TBC1D19: variants seen among roughly 807,000 people sequenced by gnomAD.
The protein encoded by TBC1D19 is TBC1 domain family, member 19.
Under a neutral mutation model 89.0 loss-of-function variants are expected in TBC1D19, and 60 were observed. The ratio of observed to expected loss-of-function variants is 0.67; its 90% CI spans 0.55 to 0.84. The LOEUF is 0.84. Among genes scored for constraint, TBC1D19 ranks in the 40% least tolerant of loss-of-function variants. TBC1D19 has a pLI of 0.00. For missense variants in TBC1D19, 500 were observed against 610.8 expected (o/e 0.82, Z 1.91); for synonymous variants, 189 against 199.7 (o/e 0.95, Z 0.45).
intron 13 of TBC1D19, among the ~76,000 whole-genome samples, chr4:26,715,463 C>T (rs751913886): frequency 2.6e-5 from 4 of 152,008 alleles, no homozygotes; most frequent in Non-Finnish European, 4.4e-5. Flanking sequence ...TAGATGGAGA[C>T]GAGGATACCA....
At chr4:26,596,905 G>C (rs57698251) in intron 1 of TBC1D19, among the ~76,000 whole-genome samples, 1 of 152,120 alleles carries the variant, frequency 6.6e-6, no homozygotes, top group Non-Finnish European at 1.5e-5. Flanking sequence ...TACTTTAAAA[G>C]ATATTTTTGT....
intron 7 of TBC1D19, among the ~76,000 whole-genome samples, chr4:26,657,787 G>A (rs1182384490): frequency 6.6e-6 from 1 of 152,178 alleles, no homozygotes; most frequent in Non-Finnish European, 1.5e-5. Context: ...TCTAACTGGT[G>A]TGAGATGGTT....
intron 1 of TBC1D19, among the ~76,000 whole-genome samples, chr4:26,591,070 C>T (rs1218708842): frequency 8.7e-6 from 1 of 114,494 alleles, no homozygotes; most frequent in East Asian, 3.0e-4. Flanking sequence ...TTCCTCCCTT[C>T]CCCCTGAGAC....
At chr4:26,694,703 G>A (rs1022921661) in intron 13 of TBC1D19, among the ~76,000 whole-genome samples, 1 of 152,184 alleles carries the variant, frequency 6.6e-6, no homozygotes, top group African/African-American at 2.4e-5. Context: ...AGCTTCCAGA[G>A]GAATGATCAG....
intron 1 of TBC1D19, among the ~76,000 whole-genome samples, chr4:26,610,254 A>G (rs1741279905): frequency 6.6e-6 from 1 of 151,970 alleles, no homozygotes; most frequent in Non-Finnish European, 1.5e-5. Context: ...ATAGATACAA[A>G]TCTATAATGT....
intron 4 of TBC1D19, among the ~76,000 whole-genome samples, chr4:26,626,839 A>ATTTATTTTATT (rs1400607822): frequency 6.9e-6 from 1 of 144,982 alleles, no homozygotes; most frequent in Non-Finnish European, 1.5e-5. Flanking sequence ...TTTTATTTTT[A>ATTTATTTTATT]TTTATTTTAT....
chr4:26,685,250 G>A (rs1173147316), intron 12 of TBC1D19, among the ~76,000 whole-genome samples: 1 of 152,222 alleles, frequency 6.6e-6, no homozygotes, highest in Non-Finnish European at 1.5e-5. Flanking sequence ...AATGTGCTGG[G>A]CTGGGAGCGT....
At chr4:26,584,030 A>G (rs1739249794), upstream of TBC1D19, 2 of 657,358 alleles carry the variant, frequency 3.0e-6, no homozygotes, top group South Asian at 1.9e-5. Context: ...GGGACCAGAG[A>G]GGGACGGACA....
At chr4:26,589,323 G>T (rs1461884857) in intron 1 of TBC1D19, among the ~76,000 whole-genome samples, 1 of 152,128 alleles carries the variant, frequency 6.6e-6, no homozygotes, top group Non-Finnish European at 1.5e-5. Flanking sequence ...GTAGTAGACT[G>T]CTGTTACTTT....
intron 1 of TBC1D19, among the ~76,000 whole-genome samples, chr4:26,609,140 A>G (rs1412020052): frequency 6.6e-6 from 1 of 151,056 alleles, no homozygotes; most frequent in Non-Finnish European, 1.5e-5. Flanking sequence ...GCACACCAAC[A>G]TGGCACATGT....
At chr4:26,806,570 G>A in the TBC1D19 span, among the ~76,000 whole-genome samples, 2 of 152,196 alleles carry the variant, frequency 1.3e-5, no homozygotes, top group Non-Finnish European at 2.9e-5. Context: ...AGCTGTCAGG[G>A]TGCCTGGCAT....
the TBC1D19 span, among the ~76,000 whole-genome samples, chr4:26,769,055 G>C: frequency 6.6e-6 from 1 of 151,988 alleles, no homozygotes; most frequent in South Asian, 2.1e-4. Context: ...AATCTTAAAA[G>C]CAGCCCAAGA....
At chr4:26,846,265 A>G in the TBC1D19 span, among the ~76,000 whole-genome samples, 29 of 152,286 alleles carry the variant, frequency 1.9e-4, no homozygotes, top group South Asian at 6.0e-3. Flanking sequence ...AGTTTTACTG[A>G]TAGAATATAA....
intron 13 of TBC1D19, among the ~76,000 whole-genome samples, chr4:26,706,538 C>G: frequency 6.6e-6 from 1 of 151,996 alleles, no homozygotes. Flanking sequence ...TATCTCTGCT[C>G]TACTTTTTAT....
rs1303249826 is a variant in TBC1D19, at chr4:26,618,014, C to T, written c.219-2599C>T. 2.6e-5 allele frequency among the ~76,000 whole-genome samples: 4 copies of T among 152,286 alleles called. No homozygotes were observed. The East Asian group carries it at 5.8e-4, about 22-fold the overall frequency. ...GGTAAGTCTTCGTACACATTCATGG[C>T]TTTCGCTGGGAGAGTGCTCAAGCAG... is the stretch of plus-strand genomic sequence containing the variant. On this transcript the variant is annotated intron_variant, in intron 3 of 20. Transcript: ENST00000264866.
At chr4:26,642,611 C>T (rs1397281243) in intron 7 of TBC1D19, among the ~76,000 whole-genome samples, 4 of 152,056 alleles carry the variant, frequency 2.6e-5, no homozygotes, top group African/African-American at 9.7e-5. Flanking sequence ...GGCTAAATTC[C>T]CCAATTAAAA....
At chr4:26,692,753 C>T (rs1217619890) in intron 13 of TBC1D19, among the ~76,000 whole-genome samples, 3 of 152,150 alleles carry the variant, frequency 2.0e-5, no homozygotes, top group Admixed American at 1.3e-4. Flanking sequence ...AGGAGGAGTC[C>T]TGATGGGATA....
chr4:26,817,277 C>T, the TBC1D19 span, among the ~76,000 whole-genome samples: 1 of 152,134 alleles, frequency 6.6e-6, no homozygotes, highest in African/African-American at 2.4e-5. Context: ...ATTGATACCC[C>T]CTCTCCCGCA....
At chr4:26,772,596 G>C in the TBC1D19 span, among the ~76,000 whole-genome samples, 1 of 152,016 alleles carries the variant, frequency 6.6e-6, no homozygotes, top group Non-Finnish European at 1.5e-5. Flanking sequence ...TTCATTAGCT[G>C]TTCTTCCTGA....
Sources: gnomAD v4.1 joint callset for allele counts (sites outside exome capture counted in the v4.1 genomes callset) on GRCh38, gnomAD v4.1.1 for gene constraint, MANE v1.5 for transcripts, NCBI Gene and HGNC (gene_info 2026-07-23, HGNC 2026-07-21) for gene names.